Variants in ACOXL observed in about 807,000 individuals in gnomAD.
ACOXL encodes the protein acyl-CoA oxidase like.
ACOXL carries 70 observed loss-of-function variants against 71.9 expected under a neutral mutation model. The observed-to-expected ratio is 0.97, with a 90% CI of 0.80 to 1.19. The LOEUF (loss-of-function observed/expected upper bound fraction) is 1.19, where lower values mean the gene tolerates loss of function less well. ACOXL is among the 50% of genes most tolerant of loss of function. The pLI is 0.00. For missense variants in ACOXL, 703 were observed against 736.3 expected, an observed-to-expected ratio of 0.95 and a Z score of 0.52; for synonymous variants, 253 against 281.6, an observed-to-expected ratio of 0.90 and a Z score of 1.02.
At chr2:110,888,392 C>G (rs983858654) in intron 10 of ACOXL, among the ~76,000 whole-genome samples, 2 of 152,194 alleles carry the variant, frequency 1.3e-5, no homozygotes, top group Non-Finnish European at 2.9e-5. Flanking sequence ...CTGCTGTACC[C>G]CGTGGATGCA....
chr2:110,739,839 G>C (rs983027807), intron 1 of ACOXL, among the ~76,000 whole-genome samples: 5 of 152,218 alleles, frequency 3.3e-5, no homozygotes, highest in African/African-American at 1.2e-4. Context: ...CCTGTTCACT[G>C]TCTAGGTGAC....
intron 2 of ACOXL, among the ~76,000 whole-genome samples, chr2:110,771,741 C>G (rs1486896258): frequency 6.6e-6 from 1 of 152,258 alleles, no homozygotes; most frequent in Non-Finnish European, 1.5e-5. Context: ...TTCTCCTGCA[C>G]CTGTTTCTAG....
At chr2:111,107,785 G>A (rs2069651822) in intron 17 of ACOXL, among the ~76,000 whole-genome samples, 2 of 152,220 alleles carry the variant, frequency 1.3e-5, no homozygotes, top group African/African-American at 4.8e-5. Flanking sequence ...ACCACGCCCG[G>A]CCTTTGACTA....
At chr2:110,775,824 T>G (rs1682564705) in intron 2 of ACOXL, among the ~76,000 whole-genome samples, 1 of 152,166 alleles carries the variant, frequency 6.6e-6, no homozygotes, top group Non-Finnish European at 1.5e-5. Flanking sequence ...TGTGAACTGA[T>G]GTAGCCACTG....
intron 14 of ACOXL, among the ~76,000 whole-genome samples, chr2:111,000,393 T>A (rs1208618375): frequency 6.6e-6 from 1 of 152,124 alleles, no homozygotes; most frequent in African/African-American, 2.4e-5. Context: ...AGAGAGAGAA[T>A]CTCAAGGAAA....
intron 10 of ACOXL, among the ~76,000 whole-genome samples, chr2:110,843,969 C>T (rs1198549043): frequency 1.3e-5 from 2 of 152,224 alleles, no homozygotes; most frequent in African/African-American, 2.4e-5. Flanking sequence ...CCTTCACCAT[C>T]GACCTTGGGA....
At chr2:110,853,585 A>G (rs1002943483) in intron 10 of ACOXL, among the ~76,000 whole-genome samples, 1 of 152,202 alleles carries the variant, frequency 6.6e-6, no homozygotes, top group Non-Finnish European at 1.5e-5. Flanking sequence ...TCAGCTTTCA[A>G]TTAGTCATAC....
chr2:110,964,909 A>G (rs1197208007), intron 12 of ACOXL, among the ~76,000 whole-genome samples: 1 of 152,226 alleles, frequency 6.6e-6, no homozygotes, highest in Non-Finnish European at 1.5e-5. Flanking sequence ...ATCGAACATT[A>G]TAACTTATTC....
chr2:110,858,636 T>A (rs1404786791), intron 10 of ACOXL, among the ~76,000 whole-genome samples: 1 of 152,250 alleles, frequency 6.6e-6, no homozygotes, highest in Non-Finnish European at 1.5e-5. Context: ...AACAGAGAGA[T>A]GTTTGTAACC....
intron 1 of ACOXL, among the ~76,000 whole-genome samples, chr2:110,748,799 T>C (rs944411504): frequency 2.0e-5 from 3 of 152,230 alleles, no homozygotes; most frequent in Admixed American, 6.5e-5. Flanking sequence ...GATTTGTTCT[T>C]CATGCCCACC....
At chr2:110,945,363 T>C (rs1486923042) in intron 12 of ACOXL, among the ~76,000 whole-genome samples, 1 of 137,542 alleles carries the variant, frequency 7.3e-6, no homozygotes, top group African/African-American at 2.6e-5. Flanking sequence ...ATTTGTCAAC[T>C]TTTTTTTTTT....
chr2:110,860,197 A>G (rs1693772765), intron 10 of ACOXL, among the ~76,000 whole-genome samples: 2 of 151,716 alleles, frequency 1.3e-5, no homozygotes, highest in South Asian at 4.2e-4. Context: ...TGCAACCTCT[A>G]CCTCCTGGGA....
At chr2:110,975,147 A>G (rs2062386753) in intron 12 of ACOXL, among the ~76,000 whole-genome samples, 1 of 152,206 alleles carries the variant, frequency 6.6e-6, no homozygotes, top group Non-Finnish European at 1.5e-5. Flanking sequence ...GTTTTACTAT[A>G]AGAAAGCTGA....
At chr2:110,958,026 G>C (rs1022787976) in intron 12 of ACOXL, among the ~76,000 whole-genome samples, 4 of 149,190 alleles carry the variant, frequency 2.7e-5, no homozygotes, top group African/African-American at 9.9e-5. Flanking sequence ...CTCCAGCCTG[G>C]GTGACAGAGT....
chr2:110,877,080 G>T (rs935352644), intron 10 of ACOXL, among the ~76,000 whole-genome samples: 1 of 152,356 alleles, frequency 6.6e-6, no homozygotes, highest in Admixed American at 6.5e-5. Flanking sequence ...CTCAGGAGGT[G>T]CCCAGTAGGT....
chr2:110,971,943 C>T (rs918898816), intron 12 of ACOXL, among the ~76,000 whole-genome samples: 6 of 152,144 alleles, frequency 3.9e-5, no homozygotes, highest in Non-Finnish European at 7.3e-5. Context: ...GCATGTGATT[C>T]AACAGCACTT....
chr2:110,783,518 T>C (rs1165117345), intron 2 of ACOXL, among the ~76,000 whole-genome samples: 1 of 152,124 alleles, frequency 6.6e-6, no homozygotes, highest in Non-Finnish European at 1.5e-5. Flanking sequence ...ATCTAGAGTG[T>C]GTTTGGGGTG....
intron 12 of ACOXL, among the ~76,000 whole-genome samples, chr2:110,953,331 C>CATATATATATATAT (rs34907551): frequency 6.7e-6 from 1 of 148,972 alleles, no homozygotes; most frequent in East Asian, 2.0e-4. Flanking sequence ...TACTTTTATA[C>CATATATATATATAT]ATATATATAT....
At chr2:110,872,691 C>T (rs717031) in intron 10 of ACOXL, among the ~76,000 whole-genome samples, 89 of 152,356 alleles carry the variant, frequency 5.8e-4, no homozygotes, top group African/African-American at 1.9e-3. Context: ...CGTGGCCGGC[C>T]GCCCTCTGCA....
Sources: gnomAD v4.1 joint callset for allele counts (sites outside exome capture counted in the v4.1 genomes callset) on GRCh38, gnomAD v4.1.1 for gene constraint, MANE v1.5 for transcripts, NCBI Gene and HGNC (gene_info 2026-07-23, HGNC 2026-07-21) for gene names.